Variants in CELF1 observed in about 807,000 individuals in gnomAD.
CELF1 encodes the protein 50 kDa nuclear polyadenylated RNA-binding protein.
CELF1 carries 10 observed loss-of-function variants against 61.8 expected under a neutral mutation model. The ratio of observed to expected loss-of-function variants is 0.16; its 90% CI spans 0.10 to 0.27. The LOEUF is 0.27. Among genes scored for constraint, CELF1 ranks in the 10% least tolerant of loss-of-function variants. The probability of loss-of-function intolerance (pLI) is 1.00; values close to 1 mark genes in which losing one functional copy is unlikely to be tolerated. For missense variants in CELF1, 380 were observed against 639.1 expected, an observed-to-expected ratio of 0.59 and a Z score of 4.37; for synonymous variants, 236 against 225.1, an observed-to-expected ratio of 1.05 and a Z score of -0.43.
At chr11:47,558,111 C>A (rs898127198), upstream of CELF1, among the ~76,000 whole-genome samples, 1 of 152,232 alleles carries the variant, frequency 6.6e-6, no homozygotes, top group Non-Finnish European at 1.5e-5. Context: ...CCCGCCTCAG[C>A]CTCCGAAAGT....
chr11:47,512,762 A>G (rs567602433), intron 1 of CELF1, among the ~76,000 whole-genome samples: 1 of 152,304 alleles, frequency 6.6e-6, no homozygotes, highest in South Asian at 2.1e-4. Flanking sequence ...TCTTCCTGTT[A>G]CATGCCTAGC....
intron 1 of CELF1, among the ~76,000 whole-genome samples, chr11:47,515,925 TA>T (rs1430756041): frequency 9.2e-5 from 14 of 152,162 alleles, no homozygotes; most frequent in South Asian, 6.2e-4. Context: ...TTTACTTATT[TA>T]TTTTTTTTTA....
intron 3 of CELF1, among the ~76,000 whole-genome samples, chr11:47,489,347 C>G (rs554259575): frequency 6.6e-6 from 1 of 152,054 alleles, no homozygotes; most frequent in Non-Finnish European, 1.5e-5. Flanking sequence ...AAAACAAGAT[C>G]AAGTTTTAAT....
At chr11:47,505,201 C>A (rs1017457218) in intron 1 of CELF1, among the ~76,000 whole-genome samples, 6 of 151,260 alleles carry the variant, frequency 4.0e-5, no homozygotes, top group African/African-American at 1.5e-4. Context: ...ACCCAACAGT[C>A]CTGTCAAATT....
intron 1 of CELF1, among the ~76,000 whole-genome samples, chr11:47,544,502 T>C (rs1447228130): frequency 6.6e-6 from 1 of 152,236 alleles, no homozygotes; most frequent in Non-Finnish European, 1.5e-5. Context: ...TACCAGGCTG[T>C]GTTTATAAAG....
chr11:47,540,767 A>G (rs528564722), intron 1 of CELF1, among the ~76,000 whole-genome samples: 1 of 152,186 alleles, frequency 6.6e-6, no homozygotes, highest in South Asian at 2.1e-4. Flanking sequence ...ACCTGTAATC[A>G]CAGCTACTTG....
chr11:47,558,459 T>G (rs1201094084), intron 2 of CELF1, among the ~76,000 whole-genome samples: 2 of 129,920 alleles, frequency 1.5e-5, no homozygotes, highest in Non-Finnish European at 3.1e-5. Flanking sequence ...ATATAATATA[T>G]TAGATGAAAC....
chr11:47,485,668 G>A (rs775147622), intron 6 of CELF1, among the ~76,000 whole-genome samples: 203 of 151,210 alleles, frequency 1.3e-3, no homozygotes, highest in Non-Finnish European at 1.6e-3. Flanking sequence ...TGCAACCACC[G>A]TCTCCTGGGT....
upstream of CELF1, among the ~76,000 whole-genome samples, chr11:47,555,791 T>C (rs933160509): frequency 2.6e-5 from 4 of 152,046 alleles, no homozygotes; most frequent in African/African-American, 9.7e-5. Context: ...ATGGATCACC[T>C]GAGGTCAGGA....
chr11:47,489,830 G>C (rs1297395716), intron 3 of CELF1, among the ~76,000 whole-genome samples: 1 of 151,364 alleles, frequency 6.6e-6, no homozygotes, highest in Non-Finnish European at 1.5e-5. Context: ...TTTAGAACCT[G>C]AAGGATAATC....
intron 1 of CELF1, among the ~76,000 whole-genome samples, chr11:47,515,774 G>A (rs956557282): frequency 1.3e-5 from 2 of 152,120 alleles, no homozygotes; most frequent in Non-Finnish European, 2.9e-5. Flanking sequence ...GGAAGATAAG[G>A]GATTAAGAGA....
chr11:47,558,711 T>C (rs1169969057), intron 2 of CELF1, among the ~76,000 whole-genome samples: 2 of 105,124 alleles, frequency 1.9e-5, no homozygotes, highest in African/African-American at 3.9e-5. Flanking sequence ...TCATAATATA[T>C]AATATTATGA....
chr11:47,504,689 G>T (rs542610032), intron 1 of CELF1, among the ~76,000 whole-genome samples: 1 of 151,388 alleles, frequency 6.6e-6, no homozygotes, highest in South Asian at 2.1e-4. Flanking sequence ...ATCACCTAAG[G>T]TCAGGAGTTC....
intron 3 of CELF1, among the ~76,000 whole-genome samples, chr11:47,489,935 G>GTTTTTTTTGTTTTTTTTTTTTT (rs2090264572): frequency 2.1e-5 from 1 of 48,226 alleles, no homozygotes; most frequent in African/African-American, 7.8e-5. Context: ...ATACCATCTT[G>GTTTTTTTTGTTTTTTTTTTTTT]TTTTTTTTTT....
At chr11:47,500,826 CTT>C (rs2093805363) in intron 2 of CELF1, 33 bp downstream of exon 2, 1 of 398,410 alleles carries the variant, frequency 2.5e-6, no homozygotes, top group Non-Finnish European at 4.4e-6. Flanking sequence ...ATTTCACAGG[CTT>C]TCTTTCCATT....
chr11:47,555,773 C>T (rs921728451), upstream of CELF1, among the ~76,000 whole-genome samples: 2 of 151,898 alleles, frequency 1.3e-5, no homozygotes, highest in Admixed American at 6.6e-5. Context: ...TTTGGGAGGC[C>T]GAGGCAGATG....
At chr11:47,558,127 G>A (rs1008541928), upstream of CELF1, among the ~76,000 whole-genome samples, 5 of 152,080 alleles carry the variant, frequency 3.3e-5, no homozygotes, top group Non-Finnish European at 4.4e-5. Context: ...AAAGTGTTGG[G>A]ATTATAGGCG....
intron 1 of CELF1, among the ~76,000 whole-genome samples, chr11:47,541,678 G>A (rs1457667905): frequency 5.4e-5 from 5 of 92,852 alleles, no homozygotes; most frequent in Non-Finnish European, 7.9e-5. Context: ...GTGACAGGGC[G>A]AGACTGTCAA....
intron 1 of CELF1, among the ~76,000 whole-genome samples, chr11:47,504,834 G>A (rs1422755179): frequency 6.7e-6 from 1 of 148,670 alleles, no homozygotes; most frequent in African/African-American, 2.5e-5. Context: ...CCCAGGAGGC[G>A]GAGGTTGCAG....
Sources: allele counts gnomAD v4.1 joint callset (sites outside exome capture counted in the v4.1 genomes callset), GRCh38; gene constraint gnomAD v4.1.1; transcripts MANE v1.5; gene names NCBI Gene and HGNC (gene_info 2026-07-23, HGNC 2026-07-21).